The following XKR4 variants were observed in gnomAD, a reference collection of about 807,000 sequenced individuals.
XKR4 encodes the protein XK-related protein 4.
Under a neutral mutation model 53.9 loss-of-function variants are expected in XKR4, and 12 were observed. That is an observed-to-expected ratio of 0.22 (90% CI 0.14 to 0.36). The LOEUF (loss-of-function observed/expected upper bound fraction) is 0.36, where lower values mean the gene tolerates loss of function less well. XKR4 is among the 10% of genes least tolerant of loss of function. The pLI is 1.00. For missense variants in XKR4, 799 were observed against 859.5 expected (o/e 0.93, Z 0.88); for synonymous variants, 354 against 362.4 (o/e 0.98, Z 0.26).
rs1804121633 is a variant in XKR4, at chr8:55,374,714, C to T, written c.1006+16837C>T. On this transcript the variant is annotated intron_variant, in intron 2 of 2. Transcript: ENST00000327381. ...TGTGGAGATGAGAGCTGAAAAGAGC[C>T]TGATGGGTCTGACAATTCAGAGACC... Among the ~76,000 whole-genome samples the T allele has an allele frequency of 2.0e-5, 3 of 152,128 alleles. 1 individual carries two copies. The highest frequency in any genetic ancestry group is 1.3e-4 in the Admixed American group (2 of 15,274).
In XKR4 at chr8:55,248,386, A is replaced by G. The variant is rs868070436; in HGVS notation, c.807-109292A>G. Among the ~76,000 whole-genome samples the G allele has an allele frequency of 9.2e-5, 14 of 152,368 alleles. No homozygotes were observed. In the Middle Eastern group the frequency reaches 0.014, roughly 148 times the overall value. ...TCTGCCATTTGACATTCATGCAAGC[A>G]TGTAATTGCCTCTACCTGCATCATA... is the stretch of plus-strand genomic sequence containing the variant. On this transcript the variant is annotated intron_variant, in intron 1 of 2. Coordinates refer to ENST00000327381, the MANE Select transcript of XKR4 (RefSeq NM_052898.2).
At chr8:55,338,797 A>G (rs1252386606) in intron 1 of XKR4, among the ~76,000 whole-genome samples, 1 of 152,178 alleles carries the variant, frequency 6.6e-6, no homozygotes, top group Non-Finnish European at 1.5e-5. Context: ...TGATTTTTGG[A>G]TATTTTGGAT....
At chr8:55,228,980 GT>G (rs1047182976) in intron 1 of XKR4, among the ~76,000 whole-genome samples, 3 of 152,084 alleles carry the variant, frequency 2.0e-5, no homozygotes, top group African/African-American at 4.8e-5. Flanking sequence ...TTCAACTGAT[GT>G]TTTTCTAAAG....
intron 1 of XKR4, among the ~76,000 whole-genome samples, chr8:55,348,675 G>A (rs1042873031): frequency 3.4e-5 from 5 of 148,080 alleles, no homozygotes; most frequent in African/African-American, 1.3e-4. Flanking sequence ...TAGAGGGAGA[G>A]AGAGACAGAC....
At chr8:55,496,345 A>C (rs893760662) in intron 2 of XKR4, among the ~76,000 whole-genome samples, 7 of 152,162 alleles carry the variant, frequency 4.6e-5, no homozygotes, top group Non-Finnish European at 8.8e-5. Flanking sequence ...CTCTTTAAAT[A>C]GCAGTCTAAA....
At chr8:55,349,262 C>A (rs1022429068) in intron 1 of XKR4, among the ~76,000 whole-genome samples, 2 of 152,154 alleles carry the variant, frequency 1.3e-5, no homozygotes, top group East Asian at 1.9e-4. Context: ...AGTCCTTAAC[C>A]TCTGCACCTA....
intron 1 of XKR4, among the ~76,000 whole-genome samples, chr8:55,287,024 GCTCT>G (rs1456314824): frequency 2.0e-5 from 3 of 151,156 alleles, no homozygotes; most frequent in Non-Finnish European, 4.4e-5. Context: ...TTGGTTAGAA[GCTCT>G]CTGTTTGGTT....
chr8:55,174,595 C>T (rs1241028482), intron 1 of XKR4, among the ~76,000 whole-genome samples: 2 of 152,142 alleles, frequency 1.3e-5, no homozygotes, highest in Non-Finnish European at 2.9e-5. Context: ...TTAATTCCTA[C>T]TACCCTTCGT....
intron 1 of XKR4, among the ~76,000 whole-genome samples, chr8:55,292,863 T>A (rs192894313): frequency 1.3e-5 from 2 of 152,194 alleles, no homozygotes; most frequent in Admixed American, 6.5e-5. Flanking sequence ...ATATATTTTT[T>A]AATTTCTTTT....
Position 55,483,484 on chromosome 8 carries a change from A to C in XKR4, c.1007-39797A>C, listed in dbSNP as rs144311149. 2.2e-4 allele frequency among the ~76,000 whole-genome samples: 33 copies of C among 152,262 alleles called. No homozygotes were observed. In the East Asian group the frequency reaches 6.2e-3, roughly 28 times the overall value. On this transcript the variant is annotated intron_variant, in intron 2 of 2. Transcript: ENST00000327381. ...AGAAGTAATGAGAAATGGGGCTGGA[A>C]AACTGAATTGAGCCAAGATATGAAG...
At chr8:55,252,129 T>C (rs967183657) in intron 1 of XKR4, among the ~76,000 whole-genome samples, 4 of 152,236 alleles carry the variant, frequency 2.6e-5, no homozygotes, top group Non-Finnish European at 4.4e-5. Context: ...ATTTAAATTA[T>C]GTGCATTTGT....
In XKR4 at chr8:55,173,703, A is replaced by C. The variant is rs146191118; in HGVS notation, c.806+70409A>C. Among the ~76,000 whole-genome samples the C allele has an allele frequency of 5.3e-5, 8 of 152,334 alleles. No individual in the cohort carries two copies. In the East Asian group the frequency reaches 1.5e-3, roughly 29 times the overall value. ...AGGCTAGACACAATAGCCTTTCCCA[A>C]GTATACTTGGCTTGTCGGCAGTACC... On this transcript the variant is annotated intron_variant, in intron 1 of 2. Coordinates refer to ENST00000327381, the MANE Select transcript of XKR4 (RefSeq NM_052898.2).
Position 55,536,610 on chromosome 8 carries a change from T to C in XKR4, c.*12383T>C, listed in dbSNP as rs1315860795. On this transcript the variant is annotated 3_prime_UTR_variant, in exon 3 of 3. Coordinates refer to ENST00000327381, the MANE Select transcript of XKR4 (RefSeq NM_052898.2). ...GGATAGACAGACTGCTCCGGTGTTGTAAGTAATGGAATTGAACTTTCTTGC... is the reference window on the plus strand; with the variant it reads ...GGATAGACAGACTGCTCCGGTGTTGCAAGTAATGGAATTGAACTTTCTTGC... 4 of 152,256 alleles carry C rather than the reference T, an allele frequency of 2.6e-5. No individual in the cohort carries two copies. Among genetic ancestry groups the C allele is most frequent in the Non-Finnish European group, 4.4e-5 (3 of 68,040 alleles). The allele number at this position is 152,256 out of a possible 1,614,324, so 9.4% of individuals were successfully genotyped here. A position where few individuals can be genotyped will look rare whatever the true frequency, so the allele number is the denominator to read the frequency against.
intron 1 of XKR4, among the ~76,000 whole-genome samples, chr8:55,342,311 G>T (rs930178059): frequency 6.6e-6 from 1 of 151,954 alleles, no homozygotes; most frequent in Non-Finnish European, 1.5e-5. Flanking sequence ...CACTGCTATT[G>T]TGCAGGTCCT....
chr8:55,282,780 A>G (rs547891377), intron 1 of XKR4, among the ~76,000 whole-genome samples: 1 of 152,312 alleles, frequency 6.6e-6, no homozygotes, highest in East Asian at 1.9e-4. Context: ...TGCCAGTTAT[A>G]CAAAACTGTA....
intron 2 of XKR4, among the ~76,000 whole-genome samples, chr8:55,376,977 G>C (rs2622556): frequency 0.63 from 87,900 of 139,904 alleles, 26,295 homozygotes; most frequent in African/African-American, 0.67. Context: ...CACACACACA[G>C]AGAGAGAGAG....
intron 1 of XKR4, among the ~76,000 whole-genome samples, chr8:55,262,355 T>G (rs1456799976): frequency 6.6e-6 from 1 of 152,166 alleles, no homozygotes; most frequent in African/African-American, 2.4e-5. Context: ...TAAGACAAAA[T>G]ATCTAATAAG....
At chr8:55,282,119 T>C (rs1352019723) in intron 1 of XKR4, among the ~76,000 whole-genome samples, 1 of 152,194 alleles carries the variant, frequency 6.6e-6, no homozygotes, top group African/African-American at 2.4e-5. Context: ...GCCATAGTTC[T>C]TCAATAGAGC....
chr8:55,301,791 C>T (rs1007439213), intron 1 of XKR4, among the ~76,000 whole-genome samples: 3 of 152,174 alleles, frequency 2.0e-5, no homozygotes, highest in African/African-American at 7.2e-5. Context: ...GCATAAATGT[C>T]TTCTTTTGAG....
Sources: gnomAD v4.1 joint callset for allele counts (sites outside exome capture counted in the v4.1 genomes callset) on GRCh38, gnomAD v4.1.1 for gene constraint, MANE v1.5 for transcripts, NCBI Gene and HGNC (gene_info 2026-07-23, HGNC 2026-07-21) for gene names.